The following NRP1 variants were observed in gnomAD, a reference collection of about 807,000 sequenced individuals.
The protein encoded by NRP1 is neuropilin 1, also known as neuropilin-1.
A neutral mutation model predicts 106.7 loss-of-function variants in NRP1; 35 were observed. The observed-to-expected ratio is 0.33, with a 90% CI of 0.25 to 0.43. NRP1 has a LOEUF of 0.43. NRP1 is among the 20% of genes least tolerant of loss of function. The pLI, the probability that NRP1 is intolerant of heterozygous loss-of-function variation, is 1.00. For synonymous variants in NRP1, 437 were observed against 417.9 expected, an observed-to-expected ratio of 1.05 and a Z score of -0.56; for missense variants, 1,024 against 1,170.4, an observed-to-expected ratio of 0.87 and a Z score of 1.83.
At chr10:33,327,720 C>T (rs1231477818) in intron 2 of NRP1, among the ~76,000 whole-genome samples, 2 of 151,934 alleles carry the variant, frequency 1.3e-5, no homozygotes, top group African/African-American at 4.8e-5. Flanking sequence ...GTGGATTCTT[C>T]TCAAAGCCTT....
chr10:33,287,510 G>A (rs1341753270), intron 2 of NRP1, among the ~76,000 whole-genome samples: 2 of 152,204 alleles, frequency 1.3e-5, no homozygotes, highest in Non-Finnish European at 2.9e-5. Context: ...AGCTGAAAGA[G>A]GTTTTATGCT....
chr10:33,253,164 T>C (rs188935720), intron 6 of NRP1, among the ~76,000 whole-genome samples: 7 of 152,350 alleles, frequency 4.6e-5, no homozygotes, highest in Admixed American at 3.9e-4. Flanking sequence ...GATCCAGCTA[T>C]GGATGTTTCA....
chr10:33,224,108 A>G lies in NRP1; in HGVS notation c.1137+2026T>C, dbSNP rs557238092. Among the ~76,000 whole-genome samples the G allele has an allele frequency of 2.4e-4, 36 of 152,358 alleles. No individual in the cohort carries two copies. In the South Asian group the frequency reaches 3.7e-3, roughly 16 times the overall value. ...AGTACAGAGAAAGGTGGGGTGGGCA[A>G]CAATCATGAGGCTCTAGGTGGATGT... On this transcript the variant is annotated intron_variant, in intron 7 of 16. Transcript: ENST00000374867.
chr10:33,319,459 C>A (rs944049087), intron 2 of NRP1, among the ~76,000 whole-genome samples: 4 of 152,050 alleles, frequency 2.6e-5, no homozygotes, highest in African/African-American at 9.7e-5. Context: ...TAAAAACTGG[C>A]CCCCTAATCT....
At chr10:33,260,396 A>G (rs919930893) in intron 4 of NRP1, among the ~76,000 whole-genome samples, 3 of 152,176 alleles carry the variant, frequency 2.0e-5, no homozygotes, top group Admixed American at 2.0e-4. Context: ...AAAAGTAAAT[A>G]AAAAACAAGC....
At position 33,226,167 on chromosome 10, in the gene NRP1, G is replaced by C. The variant is rs911784141; in HGVS notation, c.1104C>G (p.Asp368Glu). ...TGTTTCCTTCTTTTATGGTGATCCA[G>C]TCTTCCCCGTTGGAGCTAACGTCGA... is the stretch of plus-strand genomic sequence containing the variant. ...YKIDVSSNGE[D>E]WITIKEGNKP... The change falls in exon 7 of 17, where the codon GAC becomes GAG. Residue 368 changes from aspartate to glutamate, a missense_variant. By Grantham distance (45) the Asp-to-Glu change is conservative. Coordinates refer to ENST00000374867, the MANE Select transcript of NRP1 (RefSeq NM_003873.7). The C allele has an allele frequency of 1.9e-6, 3 of 1,614,166 alleles. No individual in the cohort carries two copies. Among genetic ancestry groups the C allele is most frequent in the Non-Finnish European group, 2.5e-6 (3 of 1,180,026 alleles).
Position 33,188,024 on chromosome 10 carries a change from C to T in NRP1, c.2063-1536G>A, listed in dbSNP as rs117275794. Among the ~76,000 whole-genome samples the T allele has an allele frequency of 6.7e-4, 102 of 152,256 alleles. 2 individuals are homozygous for T. In the East Asian group the frequency reaches 0.019, roughly 28 times the overall value. Reference sequence around the variant, plus strand: ...GATGAATGTCCCTCTCGCTCTCTGACCTTGCAGGTGTCCTCTGTGACTGAG... The same window carrying T: ...GATGAATGTCCCTCTCGCTCTCTGATCTTGCAGGTGTCCTCTGTGACTGAG... On this transcript the variant is annotated intron_variant, in intron 13 of 16. Transcript: ENST00000374867.
intron 2 of NRP1, among the ~76,000 whole-genome samples, chr10:33,325,268 T>G (rs530662898): frequency 6.6e-6 from 1 of 152,356 alleles, no homozygotes; most frequent in South Asian, 2.1e-4. Context: ...AAACAAGGAT[T>G]TTGTTTTAGT....
chr10:33,311,550 G>A (rs978430254), intron 2 of NRP1, among the ~76,000 whole-genome samples: 23 of 152,074 alleles, frequency 1.5e-4, no homozygotes, highest in African/African-American at 5.1e-4. Context: ...TATCACTATC[G>A]CTATCAGCTG....
At chr10:33,281,210 C>A (rs1844103546) in intron 2 of NRP1, among the ~76,000 whole-genome samples, 1 of 151,970 alleles carries the variant, frequency 6.6e-6, no homozygotes. Flanking sequence ...CCACCACACC[C>A]AGCTAATTTT....
chr10:33,328,034 C>T (rs1475491616), intron 2 of NRP1, among the ~76,000 whole-genome samples: 1 of 152,028 alleles, frequency 6.6e-6, no homozygotes, highest in Non-Finnish European at 1.5e-5. Flanking sequence ...TCAGTTGGGA[C>T]AATTAAGAAA....
At chr10:33,233,447 A>C (rs1840315356) in intron 6 of NRP1, among the ~76,000 whole-genome samples, 1 of 152,228 alleles carries the variant, frequency 6.6e-6, no homozygotes, top group African/African-American at 2.4e-5. Flanking sequence ...ACAAAGCAGC[A>C]TGTGTAGTAA....
intron 8 of NRP1, among the ~76,000 whole-genome samples, chr10:33,217,196 T>G (rs897037003): frequency 6.6e-6 from 1 of 152,158 alleles, no homozygotes; most frequent in Non-Finnish European, 1.5e-5. Flanking sequence ...GAGGCAAACA[T>G]AATTAACTTG....
chr10:33,303,896 A>G (rs1182358688), intron 2 of NRP1, among the ~76,000 whole-genome samples: 1 of 152,258 alleles, frequency 6.6e-6, no homozygotes, highest in Non-Finnish European at 1.5e-5. Flanking sequence ...ATACTGGCAT[A>G]TGATATACAC....
At chr10:33,243,283 C>CA (rs11464206) in intron 6 of NRP1, among the ~76,000 whole-genome samples, 4,142 of 152,244 alleles carry the variant, frequency 0.027, 187 homozygotes, top group African/African-American at 0.094. Context: ...ACATAATTAT[C>CA]ATAGTGTTTA....
At chr10:33,258,710 G>C (rs1038365214) in intron 4 of NRP1, among the ~76,000 whole-genome samples, 3 of 152,044 alleles carry the variant, frequency 2.0e-5, no homozygotes, top group African/African-American at 7.2e-5. Flanking sequence ...CTATTTAATA[G>C]ATTTTCTTCA....
chr10:33,304,073 C>A (rs1444418003), intron 2 of NRP1, among the ~76,000 whole-genome samples: 1 of 152,188 alleles, frequency 6.6e-6, no homozygotes, highest in African/African-American at 2.4e-5. Context: ...CAAGTATTTC[C>A]TGTGTGGCAC....
intron 6 of NRP1, among the ~76,000 whole-genome samples, chr10:33,248,626 G>A (rs1467119042): frequency 6.6e-6 from 1 of 152,164 alleles, no homozygotes; most frequent in East Asian, 1.9e-4. Context: ...ATGAAAACAA[G>A]CTTCTTCAGC....
intron 14 of NRP1, 53 bp downstream of exon 14, chr10:33,186,164 A>G (rs1426736079): frequency 1.3e-6 from 2 of 1,525,646 alleles, no homozygotes; most frequent in Admixed American, 4.2e-5. Flanking sequence ...CCAACATATC[A>G]TCTCAGCATT....
Sources: gnomAD v4.1 joint callset for allele counts (sites outside exome capture counted in the v4.1 genomes callset) on GRCh38, gnomAD v4.1.1 for gene constraint, MANE v1.5 for transcripts, NCBI Gene and HGNC (gene_info 2026-07-23, HGNC 2026-07-21) for gene names.